STK40: variants seen among roughly 807,000 people sequenced by gnomAD.
STK40 encodes serine/threonine kinase 40.
Under a neutral mutation model 47.9 loss-of-function variants are expected in STK40, and 13 were observed. The observed-to-expected ratio is 0.27, with a 90% CI of 0.18 to 0.43. STK40 has a LOEUF of 0.43. Among genes scored for constraint, STK40 ranks in the 20% least tolerant of loss-of-function variants. The pLI is 1.00. For missense variants in STK40, 460 were observed against 595.1 expected (o/e 0.77, Z 2.36); for synonymous variants, 225 against 243.2 (o/e 0.93, Z 0.69).
intron 1 of STK40, among the ~76,000 whole-genome samples, chr1:36,372,970 G>C (rs1221645923): frequency 6.6e-6 from 1 of 152,178 alleles, no homozygotes; most frequent in Non-Finnish European, 1.5e-5. Context: ...AGGAAACCCA[G>C]AGGAATTCAC....
intron 1 of STK40, chr1:36,372,767 G>C (rs1646960626): frequency 6.6e-6 from 1 of 152,200 alleles, no homozygotes. Flanking sequence ...CTGCCGAGCG[G>C]GGCCTCTCTG....
rs114422427 is a variant in STK40 at position 36,346,363 on chromosome 1, G to A, written c.740-2099C>T. Among the ~76,000 whole-genome samples, 289 of 152,288 alleles carry A rather than the reference G, an allele frequency of 1.9e-3. 1 individual carries two copies. The highest frequency in any genetic ancestry group is 6.7e-3 in the African/African-American group (278 of 41,562). On this transcript the variant is annotated intron_variant, in intron 7 of 10. Coordinates refer to ENST00000373132, the MANE Select transcript of STK40 (RefSeq NM_001282547.2). ...CCTATTTTACAGATGAGAAAATGGA[G>A]GCTCAGAGAGGTCTGTAACTTCCCC...
chr1:36,371,685 CAAAAAAAAA>C (rs57138983), intron 1 of STK40, among the ~76,000 whole-genome samples: 10 of 27,968 alleles, frequency 3.6e-4, no homozygotes, highest in South Asian at 1.4e-3. Context: ...ACCCTGTCTC[CAAAAAAAAA>C]AAAAAAAAAA....
At chr1:36,377,141 T>C (rs1646998747) in intron 1 of STK40, among the ~76,000 whole-genome samples, 1 of 152,176 alleles carries the variant, frequency 6.6e-6, no homozygotes. Context: ...AGAGCTTTAT[T>C]TTATATTCTC....
At chr1:36,356,639 A>G (rs1044582650) in intron 4 of STK40, among the ~76,000 whole-genome samples, 16 of 152,072 alleles carry the variant, frequency 1.1e-4, no homozygotes, top group East Asian at 7.7e-4. Context: ...GTTAGCCAGT[A>G]TGGTCTCAAT....
chr1:36,353,030 C>G (rs993309328), intron 6 of STK40, among the ~76,000 whole-genome samples: 2 of 152,230 alleles, frequency 1.3e-5, no homozygotes, highest in Non-Finnish European at 2.9e-5. Flanking sequence ...CCCCGGAGGC[C>G]AACCTCCAGG....
At chr1:36,363,548 T>G (rs1431792902) in intron 1 of STK40, among the ~76,000 whole-genome samples, 1 of 151,904 alleles carries the variant, frequency 6.6e-6, no homozygotes, top group South Asian at 2.1e-4. Context: ...GGCTCACGCC[T>G]GTAATACCAG....
Position 36,355,277 on chromosome 1 carries a change from TCTC to T in STK40, c.496_498del (p.Glu166del), listed in dbSNP as rs1557511475. ...ACAGTCTCCCTCTCGCTGAGCCTCT[TCTC>T]CTTGATGACGTAGTGCTGCAGGTTG... On this transcript the variant is annotated inframe_deletion, in exon 5 of 11. Transcript: ENST00000373132. 3 of 1,614,044 alleles carry T rather than the reference TCTC, an allele frequency of 1.9e-6. No homozygotes were observed. Among genetic ancestry groups the T allele is most frequent in the Non-Finnish European group, 2.5e-6 (3 of 1,180,014 alleles).
intron 7 of STK40, among the ~76,000 whole-genome samples, chr1:36,346,591 G>A (rs1445914022): frequency 6.6e-6 from 1 of 152,222 alleles, no homozygotes; most frequent in Non-Finnish European, 1.5e-5. Context: ...AAGGAGATTG[G>A]AGGCCGTGAT....
At chr1:36,342,938 C>G (rs1227005835) in intron 10 of STK40, 5 of 527,760 alleles carry the variant, frequency 9.5e-6, no homozygotes, top group African/African-American at 1.9e-5. Context: ...TCTCTGCCCC[C>G]ACCCTAGGCC....
chr1:36,367,246 A>C (rs1390994303), intron 1 of STK40, among the ~76,000 whole-genome samples: 29 of 152,104 alleles, frequency 1.9e-4, no homozygotes, highest in Admixed American at 1.8e-3. Flanking sequence ...TGAGGGGAGG[A>C]GGCCAGGAAA....
At chr1:36,348,016 A>G (rs1646719437) in intron 7 of STK40, among the ~76,000 whole-genome samples, 1 of 152,234 alleles carries the variant, frequency 6.6e-6, no homozygotes. Flanking sequence ...CCATGAAGGC[A>G]GCAATGTTTG....
chr1:36,351,292 C>G (rs996962260), intron 6 of STK40, among the ~76,000 whole-genome samples: 4 of 147,922 alleles, frequency 2.7e-5, no homozygotes, highest in Admixed American at 2.0e-4. Flanking sequence ...ACACCTCCCC[C>G]TGTCTGCTCC....
chr1:36,373,383 G>A (rs907475701), intron 1 of STK40, among the ~76,000 whole-genome samples: 11 of 152,044 alleles, frequency 7.2e-5, no homozygotes, highest in Non-Finnish European at 1.5e-4. Context: ...TCTTTAACTC[G>A]CACCACTTTC....
intron 7 of STK40, 96 bp from the exon 8 acceptor site, chr1:36,344,360 C>T: frequency 6.8e-7 from 1 of 1,462,976 alleles, no homozygotes; most frequent in Non-Finnish European, 9.1e-7. Context: ...CTGCCACCCT[C>T]ACTTCCAGTC....
At chr1:36,346,777 G>A (rs574680017) in intron 7 of STK40, among the ~76,000 whole-genome samples, 1 of 152,374 alleles carries the variant, frequency 6.6e-6, no homozygotes, top group Non-Finnish European at 1.5e-5. Flanking sequence ...CAGAGCCTCA[G>A]ACTGCAAATG....
At position 36,358,363 on chromosome 1, in the gene STK40, C is replaced by A. The variant is rs761856633; in HGVS notation, c.218G>T (p.Arg73Met). 3.1e-6 allele frequency: 5 copies of A among 1,604,614 alleles called. No homozygotes were observed. In the Admixed American group the frequency reaches 5.0e-5, roughly 16 times the overall value. ...CTGGCTCTCTATGCCTTGGTCCCCC[C>A]TCTCCTCCAGGGTCAGGATCTTTAG... is the stretch of plus-strand genomic sequence containing the variant. ...YQLKILTLEE[R>M]GDQGIESQEE... Residue 73 changes from arginine to methionine, a missense_variant, in exon 4 of 11, where the codon AGG (arginine) becomes ATG (methionine). Around this residue, in one of 3 missense-constraint regions of STK40, gnomAD observed 277 missense variants for 358.7 expected, o/e 0.77. Coordinates refer to ENST00000373132, the MANE Select transcript of STK40 (RefSeq NM_001282547.2).
At chr1:36,381,741 G>A (rs976161669) in intron 1 of STK40, among the ~76,000 whole-genome samples, 7 of 151,938 alleles carry the variant, frequency 4.6e-5, no homozygotes, top group East Asian at 1.9e-4. Context: ...CTCCTGCCTC[G>A]GCCTCCCAAA....
chr1:36,358,149 G>A (rs1646820724), intron 4 of STK40, 90 bp downstream of exon 4: 4 of 1,440,404 alleles, frequency 2.8e-6, no homozygotes, highest in Non-Finnish European at 3.7e-6. Context: ...AGGGTCACGT[G>A]AGCTGCTCGT....
Sources: gnomAD v4.1 joint callset for allele counts (sites outside exome capture counted in the v4.1 genomes callset) on GRCh38, gnomAD v4.1.1 for gene constraint, gnomAD v4.1.1 regional missense constraint, MANE v1.5 for transcripts, NCBI Gene and HGNC (gene_info 2026-07-23, HGNC 2026-07-21) for gene names.